The following ORC3 variants were observed in gnomAD, a reference collection of about 807,000 sequenced individuals.
The protein encoded by ORC3 is origin recognition complex subunit 3, also known as homolog of latheo, Drosophila.
ORC3 carries 78 observed loss-of-function variants against 100.7 expected under a neutral mutation model. The ratio of observed to expected loss-of-function variants is 0.77; its 90% CI spans 0.65 to 0.94. ORC3 has a LOEUF of 0.94. ORC3 is among the 40% of genes least tolerant of loss of function. The pLI is 0.00. For missense variants in ORC3, 789 were observed against 823.9 expected (o/e 0.96, Z 0.52); for synonymous variants, 295 against 289.3 (o/e 1.02, Z -0.20).
chr6:87,675,680 C>T, the ORC3 span: 2 of 1,581,652 alleles, frequency 1.3e-6, no homozygotes, highest in African/African-American at 1.4e-5. Flanking sequence ...TCTTGATTCC[C>T]AATTTTGCCC....
chr6:87,611,316 G>T (rs1326474665), intron 7 of ORC3, among the ~76,000 whole-genome samples: 1 of 152,042 alleles, frequency 6.6e-6, no homozygotes, highest in African/African-American at 2.4e-5. Flanking sequence ...GAACTGCTTA[G>T]CATGCTTGGA....
chr6:87,636,570 C>A, intron 13 of ORC3, 84 bp downstream of exon 13: 2 of 799,412 alleles, frequency 2.5e-6, no homozygotes, highest in South Asian at 1.5e-5. Flanking sequence ...ACCCTGCCTG[C>A]CAAAAAGTTT....
chr6:87,611,405 A>G (rs1382179106), intron 7 of ORC3, among the ~76,000 whole-genome samples: 1 of 152,184 alleles, frequency 6.6e-6, no homozygotes, highest in Non-Finnish European at 1.5e-5. Context: ...TTAGCCATCA[A>G]AAGTGAGGAA....
intron 2 of ORC3, among the ~76,000 whole-genome samples, chr6:87,594,816 G>T (rs1003967073): frequency 6.6e-6 from 1 of 152,142 alleles, no homozygotes; most frequent in Non-Finnish European, 1.5e-5. Context: ...AATGATGGGG[G>T]AAATGTTATT....
chr6:87,595,480 A>G (rs566644210), intron 2 of ORC3: 2 of 152,302 alleles, frequency 1.3e-5, no homozygotes, highest in South Asian at 2.1e-4. Flanking sequence ...CAAGACTCCT[A>G]TCTCTCACTA....
intron 19 of ORC3, 40 bp downstream of exon 19, chr6:87,665,873 A>T: frequency 8.2e-7 from 1 of 1,212,502 alleles, no homozygotes; most frequent in Non-Finnish European, 1.2e-6. Context: ...CCAACTACAC[A>T]TAAAATATAA....
chr6:87,666,420 T>G lies in ORC3; in HGVS notation c.2030+587T>G, dbSNP rs113473809. ...GCTAGGATTATAGGTGTGAGCCACC[T>G]CACCCGGCCTAATTCTTTTTTTTTT... On this transcript the variant is annotated intron_variant, in intron 19 of 19. Coordinates refer to ENST00000392844, the MANE Select transcript of ORC3 (RefSeq NM_012381.4). 3.2e-3 allele frequency among the ~76,000 whole-genome samples: 452 copies of G among 142,840 alleles called. 2 individuals are homozygous for G. The highest frequency in any genetic ancestry group is 0.01 in the African/African-American group (397 of 37,878). 93.7% of individuals were successfully genotyped at this position (142,840 alleles called of 152,430 possible).
At chr6:87,639,825 CAAAAAAAAA>C (rs548788316) in intron 13 of ORC3, among the ~76,000 whole-genome samples, 17 of 58,756 alleles carry the variant, frequency 2.9e-4, no homozygotes, top group South Asian at 1.5e-3. Flanking sequence ...GCCAAAAATA[CAAAAAAAAA>C]AAAAAAAAAA....
intron 9 of ORC3, 144 bp downstream of exon 9, chr6:87,616,571 A>C: frequency 2.1e-6 from 1 of 486,122 alleles, no homozygotes; most frequent in Non-Finnish European, 3.8e-6. Flanking sequence ...TAGGTTCTAC[A>C]ATTCCTTTGT....
At chr6:87,643,225 G>A (rs776362541) in intron 13 of ORC3, among the ~76,000 whole-genome samples, 4 of 152,104 alleles carry the variant, frequency 2.6e-5, no homozygotes, top group Admixed American at 6.5e-5. Context: ...TGGGAGGCGG[G>A]CTGATCAGGA....
At chr6:87,663,739 A>G (rs1770384887) in intron 17 of ORC3, among the ~76,000 whole-genome samples, 1 of 152,252 alleles carries the variant, frequency 6.6e-6, no homozygotes, top group African/African-American at 2.4e-5. Context: ...CAATAGTTCA[A>G]GACAGCTCAC....
At chr6:87,676,598 C>A in the ORC3 span, among the ~76,000 whole-genome samples, 1 of 23,418 alleles carries the variant, frequency 4.3e-5, no homozygotes, top group Admixed American at 4.9e-4. Context: ...CTACTAAAAA[C>A]ACACACACAC....
At chr6:87,624,864 G>A (rs1200566319) in intron 11 of ORC3, among the ~76,000 whole-genome samples, 1 of 151,988 alleles carries the variant, frequency 6.6e-6, no homozygotes, top group Admixed American at 6.6e-5. Flanking sequence ...CCACCAACAG[G>A]CCCTGGTGTG....
chr6:87,620,665 T>C (rs1361389530), intron 9 of ORC3, among the ~76,000 whole-genome samples: 1 of 152,194 alleles, frequency 6.6e-6, no homozygotes, highest in African/African-American at 2.4e-5. Context: ...TTGCATAGTC[T>C]TGCAAGTTAT....
chr6:87,666,939 C>A, intron 19 of ORC3, 79 bp from the exon 20 acceptor site: 2 of 764,492 alleles, frequency 2.6e-6, no homozygotes, highest in Non-Finnish European at 4.4e-6. Context: ...ATTTTACCAA[C>A]TAGTATTTTA....
At chr6:87,671,888 C>T (rs1770840432), downstream of ORC3, among the ~76,000 whole-genome samples, 1 of 151,190 alleles carries the variant, frequency 6.6e-6, no homozygotes. Context: ...AATATGGAGA[C>T]CATAGCATCA....
chr6:87,592,793 T>C (rs1008024181), intron 1 of ORC3, among the ~76,000 whole-genome samples: 4 of 151,406 alleles, frequency 2.6e-5, no homozygotes, highest in East Asian at 2.0e-4. Flanking sequence ...AATCGAAATA[T>C]TTAAGAAGTT....
intron 14 of ORC3, among the ~76,000 whole-genome samples, chr6:87,655,918 A>G (rs988318484): frequency 6.6e-6 from 1 of 152,120 alleles, no homozygotes; most frequent in Non-Finnish European, 1.5e-5. Context: ...GTCTTTTTTG[A>G]ACCAGAAATT....
In ORC3 at chr6:87,621,977, G is replaced by A; in HGVS notation, c.1149G>A (p.Lys383=). The A allele has an allele frequency of 5.6e-6, 9 of 1,609,006 alleles. No homozygotes were observed. The highest frequency in any genetic ancestry group is 1.7e-5 in the Admixed American group (1 of 59,448). The change falls in exon 11 of 20, where the codon AAG becomes AAA. Residue 383 remains lysine (K), a synonymous_variant. Coordinates refer to ENST00000392844, the MANE Select transcript of ORC3 (RefSeq NM_012381.4). ...RRYVEKQASE[K]QVALLTNERY... is the part of the protein sequence containing the mutation. ...ACGTGGAAAAGCAAGCTTCAGAAAA[G>A]CAAGTTGCGCTCTTGACCAATGAGA...
Sources: gnomAD v4.1 joint callset for allele counts (sites outside exome capture counted in the v4.1 genomes callset) on GRCh38, gnomAD v4.1.1 for gene constraint, MANE v1.5 for transcripts, NCBI Gene and HGNC (gene_info 2026-07-23, HGNC 2026-07-21) for gene names.